The following CELF3 variants were observed in gnomAD, a reference collection of about 807,000 sequenced individuals.
The protein encoded by CELF3 is CAG repeat domain.
In CELF3, 26 loss-of-function variants were observed where a neutral mutation model predicts 59.6. That is an observed-to-expected ratio of 0.44 (90% confidence interval 0.32 to 0.61). The LOEUF is 0.61. Among genes scored for constraint, CELF3 ranks in the 20% least tolerant of loss-of-function variants. The pLI, the probability that CELF3 is intolerant of heterozygous loss-of-function variation, is 0.06. For missense variants in CELF3, 387 were observed against 627.2 expected (o/e 0.62, Z 4.09); for synonymous variants, 245 against 250.7 (o/e 0.98, Z 0.22).
At position 151,715,982 on chromosome 1, in the gene CELF3, C is replaced by A. The variant is rs1436360674; in HGVS notation, c.39G>T (p.Gln13His). Residue 13 changes from glutamine to histidine, a missense_variant, in exon 1 of 13, where the codon CAG becomes CAT. By Grantham distance (24) the Gln-to-His change is conservative (BLOSUM62 0). Around this residue, in one of 3 missense-constraint regions of CELF3, gnomAD observed 208 missense variants for 354.8 expected, o/e 0.59. Coordinates refer to ENST00000290583, the MANE Select transcript of CELF3 (RefSeq NM_007185.7). ...EPDAIKLFVG[Q>H]IPRHLEEKDL... is the part of the protein sequence containing the mutation. ...CCTTCTCCTCCAGATGCCTCGGGAT[C>A]TGCCCCACAAACAGCTTGATGGCAT... The A allele has an allele frequency of 6.2e-7, 1 of 1,614,162 alleles. No individual in the cohort carries two copies. The highest frequency in any genetic ancestry group is 8.5e-7 in the Non-Finnish European group (1 of 1,179,982).
At chr1:151,707,091 G>A in intron 8 of CELF3, 54 bp downstream of exon 8, 1 of 1,431,774 alleles carries the variant, frequency 7.0e-7, no homozygotes, top group South Asian at 1.6e-5. Flanking sequence ...CTCCCTAATG[G>A]GAGTGGTGGT....
rs1473976607 is a variant in CELF3, at chr1:151,702,640, C to T, written c.*819G>A. The T allele has an allele frequency of 1.3e-5, 2 of 152,994 alleles. No individual in the cohort carries two copies. Among genetic ancestry groups the T allele is most frequent in the African/African-American group, 4.9e-5 (2 of 41,220 alleles). The allele number at this position is 152,994 out of a possible 1,614,324, so 9.5% of individuals were successfully genotyped here. ...CCTCCTCCCAATACCCAATTACCCC[C>T]CAAAGCAAAGGGAGAAATTAAGAGA... On this transcript the variant is annotated 3_prime_UTR_variant, in exon 13 of 13. Transcript: ENST00000290583.
chr1:151,714,330 A>G (rs755994160), intron 2 of CELF3: 30 of 605,776 alleles, frequency 5.0e-5, no homozygotes, highest in Non-Finnish European at 8.8e-5. Context: ...GTGTTGCCCC[A>G]TGGGCAGCTT....
intron 2 of CELF3, chr1:151,713,522 A>T (rs867846683): frequency 2.0e-5 from 3 of 152,124 alleles, no homozygotes; most frequent in African/African-American, 7.2e-5. Context: ...GGAGATGAAA[A>T]CTGTTGATTT....
chr1:151,710,883 T>C (rs1433233191), intron 2 of CELF3: 1 of 455,612 alleles, frequency 2.2e-6, no homozygotes, highest in Non-Finnish European at 4.4e-6. Context: ...TTATAGGAAC[T>C]GGAGAAAGAG....
chr1:151,707,660 G>C lies in CELF3; in HGVS notation c.631-12C>G. On this transcript the variant is annotated splice_polypyrimidine_tract_variant and intron_variant, in intron 6 of 12. Coordinates refer to ENST00000290583, the MANE Select transcript of CELF3 (RefSeq NM_007185.7). ...TGCTGCTGCATCAGCTGGGGGGAGG[G>C]GAGAGGAGAGTGGGGCAGGCCCCCT... 6.2e-7 allele frequency: 1 copy of C among 1,603,858 alleles called. No homozygotes were observed. The highest frequency in any genetic ancestry group is 8.5e-7 in the Non-Finnish European group (1 of 1,177,002).
Position 151,707,196 on chromosome 1 carries a change from C to T in CELF3, c.871G>A (p.Gly291Arg). 1 of 1,537,634 alleles carries T rather than the reference C, an allele frequency of 6.5e-7. No homozygotes were observed. The highest frequency in any genetic ancestry group is 8.7e-7 in the Non-Finnish European group (1 of 1,148,336). Residue 291 changes from glycine (G) to arginine (R), a missense_variant, in exon 8 of 13, where the codon GGG (glycine) becomes AGG (arginine). This residue lies in a region of CELF3 where 131 missense variants were observed against 153.7 expected (regional missense o/e 0.85). Coordinates refer to ENST00000290583, the MANE Select transcript of CELF3 (RefSeq NM_007185.7). Reference protein sequence around the residue: ...GYSPVPTQPTGQPAPDALYPN... With the variant: ...GYSPVPTQPTRQPAPDALYPN... ...TACAGAGCATCAGGGGCAGGCTGCCCAGTGGGCTGGGTGGGCACCGGGCTG... is the reference window on the plus strand; with the variant it reads ...TACAGAGCATCAGGGGCAGGCTGCCTAGTGGGCTGGGTGGGCACCGGGCTG...
chr1:151,709,277 G>T lies in CELF3; in HGVS notation c.349C>A (p.Pro117Thr), dbSNP rs1672824477. 1 of 1,613,932 alleles carries T rather than the reference G, an allele frequency of 6.2e-7. No individual in the cohort carries two copies. The highest frequency in any genetic ancestry group is 1.3e-5 in the African/African-American group (1 of 74,898). ...GTGCACTCGTCGATGGTCCCGAAGG[G>T]CTCAAACATCTTCCGGACGTCCTCA... ...TDEDVRKMFEPFGTIDECTVL... is the reference protein window; with the variant it reads ...TDEDVRKMFETFGTIDECTVL... Residue 117 changes from proline (P) to threonine (T), a missense_variant, in exon 4 of 13, where the codon CCC (proline) becomes ACC (threonine). Pro to Thr is a conservative substitution (Grantham distance 38). This residue lies in a region of CELF3 where 208 missense variants were observed against 354.8 expected (regional missense o/e 0.59). Coordinates refer to ENST00000290583, the MANE Select transcript of CELF3 (RefSeq NM_007185.7). The surrounding 1 kb of genome is among the most constrained non-coding windows in gnomAD (Gnocchi z 4.9).
chr1:151,715,657 C>T (rs1473905565), intron 1 of CELF3: 1 of 1,512,130 alleles, frequency 6.6e-7, no homozygotes, highest in African/African-American at 1.4e-5. Context: ...GCCGTCTTGA[C>T]AACTCTTCAG....
chr1:151,707,632 G>T lies in CELF3; in HGVS notation c.647C>A (p.Ala216Glu). Residue 216 changes from alanine to glutamate, a missense_variant, in exon 7 of 13, where the codon GCG becomes GAG. Ala to Glu is a moderately radical substitution (Grantham distance 107). Coordinates refer to ENST00000290583, the MANE Select transcript of CELF3 (RefSeq NM_007185.7). Reference protein sequence around the residue: ...AYTQALMQQQAALVAAHSAYL... With the variant: ...AYTQALMQQQEALVAAHSAYL... The stretch of plus-strand genomic sequence containing the variant: ...GGCACTGTGAGCCGCTACCAGGGCC[G>T]CCTGCTGCTGCATCAGCTGGGGGGA... 2.5e-6 allele frequency: 4 copies of T among 1,606,106 alleles called. No individual in the cohort carries two copies. Among genetic ancestry groups the T allele is most frequent in the Non-Finnish European group, 3.4e-6 (4 of 1,177,562 alleles).
chr1:151,707,132 C>T lies in CELF3; in HGVS notation c.922+13G>A. 1.4e-6 allele frequency: 2 copies of T among 1,471,582 alleles called. No homozygotes were observed. The highest frequency in any genetic ancestry group is 1.5e-5 in the South Asian group (1 of 68,188). 91.2% of individuals were successfully genotyped at this position (1,471,582 alleles called of 1,614,324 possible). A position where few individuals can be genotyped will look rare whatever the true frequency, so the allele number is the denominator to read the frequency against. On this transcript the variant is annotated intron_variant, in intron 8 of 12. Coordinates refer to ENST00000290583, the MANE Select transcript of CELF3 (RefSeq NM_007185.7). The stretch of plus-strand genomic sequence containing the variant: ...TGGTTGCTGGGACGGAGTGGGCAGG[C>T]AGAGAGTCCCACCTGGGTAGGGGTG...
At chr1:151,710,991 C>A in intron 2 of CELF3, 2 of 371,490 alleles carry the variant, frequency 5.4e-6, no homozygotes, top group Middle Eastern at 4.0e-4. Flanking sequence ...GATGGTGGGG[C>A]AGTAGTTCCA....
rs1260547635 is a variant in CELF3, at chr1:151,716,751, T to C, written c.-731A>G. ...CCGCTGGGGCTGCCTGCTTTCCCGGTCACCTGGGTCCCGGAGCTCTGCTCT... is the reference window on the plus strand; with the variant it reads ...CCGCTGGGGCTGCCTGCTTTCCCGGCCACCTGGGTCCCGGAGCTCTGCTCT... On this transcript the variant is annotated 5_prime_UTR_variant, in exon 1 of 13. Transcript: ENST00000290583. 2.2e-5 allele frequency: 10 copies of C among 452,218 alleles called. No homozygotes were observed. The highest frequency in any genetic ancestry group is 2.2e-4 in the Admixed American group (9 of 40,798). 28.0% of individuals were successfully genotyped at this position (452,218 alleles called of 1,614,324 possible).
At chr1:151,714,526 G>A in intron 2 of CELF3, 68 bp downstream of exon 2, 2 of 1,108,320 alleles carry the variant, frequency 1.8e-6, no homozygotes, top group Non-Finnish European at 2.7e-6. Context: ...GTGTCAGGAG[G>A]GTGGTGAGCC....
At chr1:151,706,164 A>G in intron 10 of CELF3, 60 bp downstream of exon 10, 1 of 1,610,470 alleles carries the variant, frequency 6.2e-7, no homozygotes, top group Non-Finnish European at 8.5e-7. Flanking sequence ...GCGCGGGGTG[A>G]CAGGGAGTCC....
In CELF3 at chr1:151,716,134, T is replaced by C. The variant is rs1445074812; in HGVS notation, c.-114A>G. 8.6e-7 allele frequency: 1 copy of C among 1,159,798 alleles called. No homozygotes were observed. Among genetic ancestry groups the C allele is most frequent in the African/African-American group, 1.5e-5 (1 of 64,548 alleles). The allele number at this position is 1,159,798 out of a possible 1,614,324, so 71.8% of individuals were successfully genotyped here. ...CCCGGGGGCCCAGCTGGGGCTGGCT[T>C]TCCCTTTGGCCCCCAACCACGCTGC... On this transcript the variant is annotated 5_prime_UTR_variant, in exon 1 of 13. Coordinates refer to ENST00000290583, the MANE Select transcript of CELF3 (RefSeq NM_007185.7).
In CELF3 at chr1:151,709,244, G is replaced by A. The variant is rs770229986; in HGVS notation, c.382C>T (p.Arg128Trp). The A allele has an allele frequency of 1.9e-6, 3 of 1,614,018 alleles. No individual in the cohort carries two copies. Among genetic ancestry groups the A allele is most frequent in the Non-Finnish European group, 1.7e-6 (2 of 1,179,938 alleles). Reference protein sequence around the residue: ...FGTIDECTVLRGPDGTSKGCA... With the variant: ...FGTIDECTVLWGPDGTSKGCA... The stretch of plus-strand genomic sequence containing the variant: ...CCTTTGCTGGTGCCATCTGGCCCCC[G>A]GAGCACAGTGCACTCGTCGATGGTC... Residue 128 changes from arginine to tryptophan, a missense_variant, in exon 4 of 13, where the codon CGG becomes TGG. This residue lies in a region of CELF3 where 208 missense variants were observed against 354.8 expected (regional missense o/e 0.59). Transcript: ENST00000290583. This position sits in a 1 kb window ranked among gnomAD's most constrained non-coding sequence, Gnocchi z 4.9.
At chr1:151,706,106 C>T (rs1396771097) in intron 10 of CELF3, 118 bp downstream of exon 10, 2 of 1,596,728 alleles carry the variant, frequency 1.3e-6, no homozygotes, top group Non-Finnish European at 1.7e-6. Context: ...TCCGGCCACT[C>T]CCTCCCCACT....
rs1672246925 is a variant in CELF3 at position 151,703,541 on chromosome 1, C to G, written c.*11-93G>C. The G allele has an allele frequency of 1.2e-5, 4 of 327,994 alleles. No individual in the cohort carries two copies. In the Admixed American group the frequency reaches 1.5e-4, roughly 13 times the overall value. 20.3% of individuals were successfully genotyped at this position (327,994 alleles called of 1,614,324 possible). A position where few individuals can be genotyped will look rare whatever the true frequency, so the allele number is the denominator to read the frequency against. Reference sequence around the variant, plus strand: ...GAGGGGAGGGGGCTGGGGTGAGTGACAGCATCTAGGATGGGGCTGCCTGAG... The same window carrying G: ...GAGGGGAGGGGGCTGGGGTGAGTGAGAGCATCTAGGATGGGGCTGCCTGAG... On this transcript the variant is annotated intron_variant, in intron 12 of 12. Coordinates refer to ENST00000290583, the MANE Select transcript of CELF3 (RefSeq NM_007185.7).
Sources: allele counts gnomAD v4.1 joint callset, GRCh38; gene constraint gnomAD v4.1.1; regional missense constraint gnomAD v4.1.1; non-coding constraint Gnocchi (gnomAD v3.1); transcripts MANE v1.5; gene names NCBI Gene and HGNC (gene_info 2026-07-23, HGNC 2026-07-21).